The following CACNG3 variants were observed in gnomAD, a reference collection of about 807,000 sequenced individuals.
CACNG3 encodes calcium voltage-gated channel auxiliary subunit gamma 3, also known as voltage-dependent calcium channel gamma-3 subunit.
A neutral mutation model predicts 28.5 loss-of-function variants in CACNG3; 3 were observed. That is an observed-to-expected ratio of 0.11 (90% confidence interval 0.05 to 0.27). The LOEUF (loss-of-function observed/expected upper bound fraction) is 0.27. CACNG3 is among the 10% of genes least tolerant of loss of function. The probability of loss-of-function intolerance (pLI) is 1.00; values close to 1 mark genes in which losing one functional copy is unlikely to be tolerated. For synonymous variants in CACNG3, 174 were observed against 162.2 expected (o/e 1.07, Z -0.55); for missense variants, 236 against 414.4 (o/e 0.57, Z 3.74).
chr16:24,276,416 G>A (rs1440068685), intron 1 of CACNG3, among the ~76,000 whole-genome samples: 1 of 152,098 alleles, frequency 6.6e-6, no homozygotes, highest in Admixed American at 6.6e-5. Context: ...AAGTGTAAAG[G>A]AGTCCTAAGA....
At chr16:24,264,863 G>A (rs1328575943) in intron 1 of CACNG3, among the ~76,000 whole-genome samples, 1 of 152,172 alleles carries the variant, frequency 6.6e-6, no homozygotes, top group Non-Finnish European at 1.5e-5. Context: ...AACTAAAACT[G>A]GTGCATGTTT....
intron 1 of CACNG3, among the ~76,000 whole-genome samples, chr16:24,262,371 G>A (rs1346891087): frequency 2.6e-5 from 4 of 152,216 alleles, no homozygotes; most frequent in East Asian, 1.9e-4. Flanking sequence ...GGTTGAGTCA[G>A]GATTGGGCAG....
chr16:24,360,247 CA>C (rs35529586), intron 3 of CACNG3, among the ~76,000 whole-genome samples: 83,650 of 151,244 alleles, frequency 0.55, 24,109 homozygotes, highest in East Asian at 0.73. Context: ...AACAAAGGGA[CA>C]AAAAAAAAGA....
At chr16:24,349,992 C>T (rs1405650551) in intron 2 of CACNG3, among the ~76,000 whole-genome samples, 2 of 152,210 alleles carry the variant, frequency 1.3e-5, no homozygotes, top group Non-Finnish European at 2.9e-5. Context: ...CTTGAACAAG[C>T]TTATGTCCCC....
At chr16:24,340,773 G>A (rs946806038) in intron 1 of CACNG3, among the ~76,000 whole-genome samples, 3 of 152,050 alleles carry the variant, frequency 2.0e-5, no homozygotes, top group Non-Finnish European at 4.4e-5. Flanking sequence ...ACCTCTTCCC[G>A]GGGTCCTGGG....
At chr16:24,313,109 A>AAGGAAGG (rs1323757240) in intron 1 of CACNG3, among the ~76,000 whole-genome samples, 1 of 150,542 alleles carries the variant, frequency 6.6e-6, no homozygotes, top group Non-Finnish European at 1.5e-5. Context: ...GGAAGGAAGG[A>AAGGAAGG]AGCTTCTGTC....
At chr16:24,308,839 C>CAAAAAAAAA (rs71154298) in intron 1 of CACNG3, among the ~76,000 whole-genome samples, 15 of 27,266 alleles carry the variant, frequency 5.5e-4, no homozygotes, top group Admixed American at 1.4e-3. Context: ...GAACCTACCT[C>CAAAAAAAAA]AAAAAAAAAA....
At chr16:24,271,774 TGGGGC>T (rs533621955) in intron 1 of CACNG3, among the ~76,000 whole-genome samples, 239 of 152,290 alleles carry the variant, frequency 1.6e-3, no homozygotes, top group African/African-American at 5.3e-3. Flanking sequence ...GAGCAGGGCA[TGGGGC>T]TCCTGTATGT....
At chr16:24,322,125 G>A (rs1245048519) in intron 1 of CACNG3, among the ~76,000 whole-genome samples, 1 of 152,092 alleles carries the variant, frequency 6.6e-6, no homozygotes, top group Admixed American at 6.6e-5. Context: ...CAGGCGGGAG[G>A]AGGAGAGCAG....
intron 1 of CACNG3, among the ~76,000 whole-genome samples, chr16:24,299,414 T>C (rs1596633188): frequency 6.6e-6 from 1 of 152,266 alleles, no homozygotes. Context: ...TTCCAGCACC[T>C]CAAGATGCTC....
At chr16:24,293,950 T>A (rs1337145193) in intron 1 of CACNG3, among the ~76,000 whole-genome samples, 1 of 152,166 alleles carries the variant, frequency 6.6e-6, no homozygotes, top group Non-Finnish European at 1.5e-5. Context: ...ATGAACTGTT[T>A]CATTCCAGTC....
intron 1 of CACNG3, among the ~76,000 whole-genome samples, chr16:24,257,285 G>C (rs1388173302): frequency 6.7e-6 from 1 of 150,160 alleles, no homozygotes; most frequent in East Asian, 2.0e-4. Flanking sequence ...GCTTGAGATG[G>C]GGTCTTTAAC....
At chr16:24,338,677 A>G (rs1899742533) in intron 1 of CACNG3, among the ~76,000 whole-genome samples, 1 of 152,032 alleles carries the variant, frequency 6.6e-6, no homozygotes, top group Non-Finnish European at 1.5e-5. Flanking sequence ...GCTCGGTTAT[A>G]TTGTCTATAG....
At chr16:24,315,483 CTT>C (rs1045762866) in intron 1 of CACNG3, among the ~76,000 whole-genome samples, 7 of 146,120 alleles carry the variant, frequency 4.8e-5, no homozygotes, top group African/African-American at 1.7e-4. Context: ...TTCTCTCTCT[CTT>C]TCTTTCTTTT....
At chr16:24,262,775 C>T (rs1898553267) in intron 1 of CACNG3, among the ~76,000 whole-genome samples, 1 of 152,214 alleles carries the variant, frequency 6.6e-6, no homozygotes, top group African/African-American at 2.4e-5. Context: ...CTGTGGGATT[C>T]CACCTACCTT....
chr16:24,326,120 T>C (rs1899538233), intron 1 of CACNG3, among the ~76,000 whole-genome samples: 1 of 152,194 alleles, frequency 6.6e-6, no homozygotes, highest in African/African-American at 2.4e-5. Context: ...CCCAGCCCAC[T>C]AGCTTAGCCA....
intron 1 of CACNG3, among the ~76,000 whole-genome samples, chr16:24,338,462 G>A (rs964449566): frequency 6.6e-6 from 1 of 152,112 alleles, no homozygotes. Context: ...TCCTGCCTCA[G>A]CCTCCCGAGT....
At chr16:24,314,474 T>A (rs374407441) in intron 1 of CACNG3, among the ~76,000 whole-genome samples, 2 of 152,116 alleles carry the variant, frequency 1.3e-5, no homozygotes, top group East Asian at 3.9e-4. Flanking sequence ...TTTCTCCCAA[T>A]GCACCTTGAT....
chr16:24,324,055 T>C (rs2141371055), intron 1 of CACNG3, among the ~76,000 whole-genome samples: 1 of 152,326 alleles, frequency 6.6e-6, no homozygotes, highest in African/African-American at 2.4e-5. Flanking sequence ...ATTACAGACG[T>C]GAGACAATGT....
Sources: allele counts gnomAD v4.1 joint callset (sites outside exome capture counted in the v4.1 genomes callset), GRCh38; gene constraint gnomAD v4.1.1; transcripts MANE v1.5; gene names NCBI Gene and HGNC (gene_info 2026-07-23, HGNC 2026-07-21).